Variants in PIK3C2G observed in about 807,000 individuals in gnomAD.
PIK3C2G encodes the protein phosphatidylinositol-4-phosphate 3-kinase catalytic subunit type 2 gamma.
Under a neutral mutation model 181.1 loss-of-function variants are expected in PIK3C2G, and 168 were observed. The ratio of observed to expected loss-of-function variants is 0.93; its 90% CI spans 0.82 to 1.05. The LOEUF is 1.05. Ranked by LOEUF, PIK3C2G falls within the 50% of genes least tolerant of loss-of-function variation. PIK3C2G has a pLI of 0.00. For missense variants in PIK3C2G, 1,869 were observed against 1,732.8 expected (o/e 1.08, Z -1.40); for synonymous variants, 573 against 592.2 (o/e 0.97, Z 0.47).
chr12:18,602,533 A>G (rs1455041012), intron 30 of PIK3C2G, among the ~76,000 whole-genome samples: 1 of 151,626 alleles, frequency 6.6e-6, no homozygotes, highest in Admixed American at 6.6e-5. Flanking sequence ...ACTACAGCTG[A>G]TGCTTTCTGG....
chr12:18,615,375 G>GTGTGTA (rs1555150547), intron 31 of PIK3C2G, among the ~76,000 whole-genome samples: 1 of 89,578 alleles, frequency 1.1e-5, no homozygotes, highest in Non-Finnish European at 2.7e-5. Context: ...GTGTGTATGT[G>GTGTGTA]TATATATATA....
chr12:18,382,159 GC>G lies in PIK3C2G; in HGVS notation c.1995+280del, dbSNP rs142045737. Among the ~76,000 whole-genome samples the G allele has an allele frequency of 5.4e-3, 818 of 152,134 alleles. 8 individuals are homozygous for G. Among genetic ancestry groups the G allele is most frequent in the Non-Finnish European group, 9.0e-3 (614 of 67,994 alleles). On this transcript the variant is annotated intron_variant, in intron 14 of 32. Coordinates refer to ENST00000538779, the MANE Select transcript of PIK3C2G (RefSeq NM_001288772.2). The stretch of plus-strand genomic sequence containing the variant: ...GTTGCCATTAGTATACTCATTATGG[GC>G]ATTCATTTTCTTTCTATTGTCTAAA...
At chr12:18,301,621 T>C (rs924768029) in intron 5 of PIK3C2G, among the ~76,000 whole-genome samples, 3 of 152,230 alleles carry the variant, frequency 2.0e-5, no homozygotes, top group African/African-American at 7.2e-5. Context: ...ATTGTTTTTA[T>C]GATTTTTTGT....
chr12:18,313,900 GA>G, intron 5 of PIK3C2G, 61 bp from the exon 6 acceptor site: 1 of 877,818 alleles, frequency 1.1e-6, no homozygotes, highest in Non-Finnish European at 1.8e-6. Flanking sequence ...AGTCAGAGAG[GA>G]AAACATGTAT....
chr12:18,609,059 A>G (rs1948205783), intron 30 of PIK3C2G, among the ~76,000 whole-genome samples: 1 of 152,102 alleles, frequency 6.6e-6, no homozygotes, highest in Non-Finnish European at 1.5e-5. Flanking sequence ...CATCTCAACC[A>G]CCTATCTCAA....
intron 1 of PIK3C2G, 49 bp from the exon 2 acceptor site, chr12:18,281,955 C>A: frequency 3.1e-6 from 2 of 639,564 alleles, no homozygotes; most frequent in Non-Finnish European, 5.5e-6. Context: ...CTTACAAGCT[C>A]TTTTCTTTCA....
In PIK3C2G at chr12:18,423,959, A is replaced by G; in HGVS notation, c.2424A>G (p.Glu808=). 1.9e-6 allele frequency: 3 copies of G among 1,609,512 alleles called. No homozygotes were observed. The highest frequency in any genetic ancestry group is 2.5e-6 in the Non-Finnish European group (3 of 1,177,122). Residue 808 remains glutamate, a synonymous_variant, in exon 18 of 33, where the codon GAA becomes GAG. Transcript: ENST00000538779. ...LPQLVQAVKF[E]WNLESPLVQL... The stretch of plus-strand genomic sequence containing the variant: ...TCTTACTTCAGGCTGTCAAGTTTGA[A>G]TGGAACCTTGAGAGTCCTTTAGTGC...
At chr12:18,431,495 A>C (rs1235650193) in intron 18 of PIK3C2G, among the ~76,000 whole-genome samples, 2 of 152,204 alleles carry the variant, frequency 1.3e-5, no homozygotes, top group Non-Finnish European at 2.9e-5. Context: ...AGTGAGTAAA[A>C]AAGTCTGTGT....
At chr12:18,266,628 G>A (rs572391854) in intron 1 of PIK3C2G, among the ~76,000 whole-genome samples, 1 of 152,086 alleles carries the variant, frequency 6.6e-6, no homozygotes, top group African/African-American at 2.4e-5. Flanking sequence ...ACTTACATAT[G>A]TTCAAATATG....
chr12:18,254,026 T>C (rs1016781785), intron 1 of PIK3C2G, among the ~76,000 whole-genome samples: 2 of 151,662 alleles, frequency 1.3e-5, no homozygotes, highest in African/African-American at 4.8e-5. Context: ...AAAAAAAAGA[T>C]GCATCCTAAG....
At chr12:18,700,984 A>AATT in the PIK3C2G span, among the ~76,000 whole-genome samples, 1 of 149,490 alleles carries the variant, frequency 6.7e-6, no homozygotes, top group Non-Finnish European at 1.5e-5. Context: ...AATTATAGAG[A>AATT]TTTTTTTTTT....
At chr12:18,635,560 C>A (rs1237096940) in intron 31 of PIK3C2G, among the ~76,000 whole-genome samples, 3 of 152,184 alleles carry the variant, frequency 2.0e-5, no homozygotes, top group African/African-American at 4.8e-5. Context: ...CAAAAGGAGA[C>A]AGGTTATCTG....
In PIK3C2G at chr12:18,648,241, T is replaced by C. The variant is rs1950259101; in HGVS notation, c.*213T>C. The C allele has an allele frequency of 3.3e-6, 1 of 304,932 alleles. No homozygotes were observed. The highest frequency in any genetic ancestry group is 6.0e-6 in the Non-Finnish European group (1 of 166,552). 18.9% of individuals were successfully genotyped at this position (304,932 alleles called of 1,614,324 possible). Reference sequence around the variant, plus strand: ...AATCTTTTCTCCTTCAGTGGAGTACTGATTGCATGAAATTTGATGTGTAAA... The same window carrying C: ...AATCTTTTCTCCTTCAGTGGAGTACCGATTGCATGAAATTTGATGTGTAAA... On this transcript the variant is annotated 3_prime_UTR_variant, in exon 33 of 33. Transcript: ENST00000538779.
chr12:18,343,985 C>T (rs940175327), intron 10 of PIK3C2G, among the ~76,000 whole-genome samples: 4 of 152,140 alleles, frequency 2.6e-5, no homozygotes, highest in African/African-American at 9.7e-5. Flanking sequence ...ACTCTCCCAA[C>T]TCAAATCTCA....
chr12:18,488,310 A>G (rs1237653090), intron 18 of PIK3C2G, 139 bp from the exon 19 acceptor site: 1 of 434,684 alleles, frequency 2.3e-6, no homozygotes, highest in South Asian at 7.2e-5. Context: ...AATAAACAAC[A>G]TTTTCCCCAT....
intron 18 of PIK3C2G, among the ~76,000 whole-genome samples, chr12:18,447,242 C>CT (rs1947079451): frequency 6.6e-6 from 1 of 152,088 alleles, no homozygotes; most frequent in Non-Finnish European, 1.5e-5. Context: ...GACAGTGGCC[C>CT]TTTTTGCTTG....
chr12:18,436,855 G>T (rs925233769), intron 18 of PIK3C2G, among the ~76,000 whole-genome samples: 22 of 152,002 alleles, frequency 1.4e-4, no homozygotes, highest in African/African-American at 4.8e-4. Flanking sequence ...CGTTCATAGT[G>T]TGAGTTGTTT....
At chr12:18,417,449 C>A (rs1382373819) in intron 16 of PIK3C2G, among the ~76,000 whole-genome samples, 20 of 152,114 alleles carry the variant, frequency 1.3e-4, no homozygotes, top group Admixed American at 1.3e-3. Flanking sequence ...ACAGAAAAAT[C>A]TTTCATGAAA....
intron 18 of PIK3C2G, among the ~76,000 whole-genome samples, chr12:18,442,873 CA>C (rs1273084069): frequency 2.8e-4 from 42 of 151,264 alleles, no homozygotes; most frequent in African/African-American, 9.7e-4. Flanking sequence ...CAATATCCTA[CA>C]TTTTTTTTTT....
Sources: gnomAD v4.1 joint callset for allele counts (sites outside exome capture counted in the v4.1 genomes callset) on GRCh38, gnomAD v4.1.1 for gene constraint, MANE v1.5 for transcripts, NCBI Gene and HGNC (gene_info 2026-07-23, HGNC 2026-07-21) for gene names.